The following RAPGEF4 variants were observed in gnomAD, a reference collection of about 807,000 sequenced individuals.
The protein encoded by RAPGEF4 is Rap guanine nucleotide exchange factor 4.
In RAPGEF4, 66 loss-of-function variants were observed where a neutral mutation model predicts 147.9. The ratio of observed to expected loss-of-function variants is 0.45; its 90% confidence interval spans 0.37 to 0.55. The LOEUF is 0.55. Among genes scored for constraint, RAPGEF4 ranks in the 20% least tolerant of loss-of-function variants. RAPGEF4 has a pLI of 0.00. For missense variants in RAPGEF4, 1,071 were observed against 1,257.3 expected (o/e 0.85, Z 2.24); for synonymous variants, 419 against 442.7 (o/e 0.95, Z 0.67).
chr2:172,753,272 A>G (rs1050422276), intron 1 of RAPGEF4, among the ~76,000 whole-genome samples: 1 of 152,144 alleles, frequency 6.6e-6, no homozygotes, highest in Non-Finnish European at 1.5e-5. Flanking sequence ...TAGTGTAGGT[A>G]TTGATGAGAA....
chr2:172,798,351 C>CATTA (rs1686605373), intron 3 of RAPGEF4, among the ~76,000 whole-genome samples: 1 of 152,072 alleles, frequency 6.6e-6, no homozygotes, highest in Non-Finnish European at 1.5e-5. Context: ...TTCACATCTG[C>CATTA]AGTGACTCTT....
At chr2:172,858,453 A>G (rs1056741734) in intron 4 of RAPGEF4, among the ~76,000 whole-genome samples, 8 of 152,214 alleles carry the variant, frequency 5.3e-5, no homozygotes, top group African/African-American at 1.7e-4. Context: ...CAGTGCTCGG[A>G]TACCATACTC....
chr2:172,744,891 A>G (rs1031751515), intron 1 of RAPGEF4, among the ~76,000 whole-genome samples: 4 of 152,114 alleles, frequency 2.6e-5, no homozygotes, highest in Non-Finnish European at 4.4e-5. Context: ...TTCTGTAAAT[A>G]TAGTGAATTT....
intron 8 of RAPGEF4, among the ~76,000 whole-genome samples, chr2:172,964,000 C>T (rs2044516): frequency 0.88 from 133,819 of 152,218 alleles, 59,863 homozygotes; most frequent in East Asian, 1. Flanking sequence ...ACTCATCAGA[C>T]GCTCTGGGAT....
chr2:172,839,705 A>G (rs1691368833), intron 4 of RAPGEF4, among the ~76,000 whole-genome samples: 1 of 152,148 alleles, frequency 6.6e-6, no homozygotes, highest in South Asian at 2.1e-4. Context: ...CCCAGTTCCT[A>G]TTTAAGATGG....
At chr2:172,879,296 A>G (rs1026330076) in intron 4 of RAPGEF4, among the ~76,000 whole-genome samples, 2 of 152,220 alleles carry the variant, frequency 1.3e-5, no homozygotes, top group Non-Finnish European at 2.9e-5. Flanking sequence ...ATGCCCAAGC[A>G]GGAAGCTGCA....
intron 17 of RAPGEF4, among the ~76,000 whole-genome samples, chr2:173,003,892 T>C (rs933123222): frequency 1.3e-5 from 2 of 152,226 alleles, no homozygotes; most frequent in African/African-American, 4.8e-5. Flanking sequence ...CCTATGTTTT[T>C]AACGTGGGAT....
intron 1 of RAPGEF4, among the ~76,000 whole-genome samples, chr2:172,768,547 C>G (rs180939733): frequency 6.6e-6 from 1 of 151,316 alleles, no homozygotes; most frequent in Non-Finnish European, 1.5e-5. Context: ...GTGGATTCAT[C>G]AAGAAATCAC....
intron 6 of RAPGEF4, among the ~76,000 whole-genome samples, chr2:172,940,034 A>G (rs188878669): frequency 2.6e-5 from 4 of 152,214 alleles, no homozygotes; most frequent in Admixed American, 2.0e-4. Context: ...TAGCTTTATT[A>G]TAATTCTCAG....
intron 1 of RAPGEF4, among the ~76,000 whole-genome samples, chr2:172,767,602 T>C (rs1696973193): frequency 1.3e-5 from 2 of 152,212 alleles, no homozygotes; most frequent in Non-Finnish European, 2.9e-5. Flanking sequence ...GATGGAAGCC[T>C]AGGAAATAAT....
rs61245914 is a variant in RAPGEF4, at chr2:173,030,117, C to A, written c.2559-47C>A. 3.8e-3 allele frequency: 5,092 copies of A among 1,323,434 alleles called. 153 individuals are homozygous for A. In the African/African-American group the frequency reaches 0.063, roughly 16 times the overall value. 82.0% of individuals were successfully genotyped at this position (1,323,434 alleles called of 1,614,324 possible). ...AATAGAACTCTAATTTTTTTTATCTCACACAGAAGTAACATTTTACTCAAA... is the reference window on the plus strand; with the variant it reads ...AATAGAACTCTAATTTTTTTTATCTAACACAGAAGTAACATTTTACTCAAA... On this transcript the variant is annotated intron_variant, in intron 25 of 30. Transcript: ENST00000397081.
chr2:172,855,588 T>C (rs886453494), intron 4 of RAPGEF4, among the ~76,000 whole-genome samples: 2 of 152,246 alleles, frequency 1.3e-5, no homozygotes, highest in African/African-American at 4.8e-5. Flanking sequence ...TCTGGAGAGC[T>C]TTCTTCAATG....
chr2:172,906,683 C>A (rs762501215), intron 4 of RAPGEF4, among the ~76,000 whole-genome samples: 2 of 152,184 alleles, frequency 1.3e-5, no homozygotes, highest in Non-Finnish European at 2.9e-5. Flanking sequence ...GGAGGCTCCT[C>A]CTTGGCAGTG....
chr2:172,816,208 G>C (rs993055263), intron 4 of RAPGEF4, among the ~76,000 whole-genome samples: 5 of 151,510 alleles, frequency 3.3e-5, no homozygotes, highest in African/African-American at 9.7e-5. Context: ...TTCAAACCAG[G>C]CTCCAATAAC....
chr2:172,788,687 C>T (rs1338679936), intron 1 of RAPGEF4, among the ~76,000 whole-genome samples: 1 of 151,820 alleles, frequency 6.6e-6, no homozygotes, highest in African/African-American at 2.4e-5. Context: ...GAGTTCAAGA[C>T]CACCCTGGGC....
At chr2:172,832,979 G>C (rs564323503) in intron 4 of RAPGEF4, among the ~76,000 whole-genome samples, 6 of 152,186 alleles carry the variant, frequency 3.9e-5, no homozygotes, top group Admixed American at 1.3e-4. Context: ...CAAGGTGGGC[G>C]GATCGCCTGA....
intron 1 of RAPGEF4, among the ~76,000 whole-genome samples, chr2:172,747,662 G>C (rs983214846): frequency 2.0e-5 from 3 of 152,084 alleles, no homozygotes; most frequent in Admixed American, 2.0e-4. Context: ...ACATGGTCTT[G>C]CTGTGTTGCC....
intron 15 of RAPGEF4, among the ~76,000 whole-genome samples, chr2:172,994,110 G>A (rs565480002): frequency 6.5e-4 from 99 of 152,312 alleles, no homozygotes; most frequent in African/African-American, 2.3e-3. Flanking sequence ...ACTGATGTAT[G>A]AGTCACACGG....
In RAPGEF4 at chr2:172,821,737, TAAAA is replaced by T. The variant is rs35414922; in HGVS notation, c.444+7333_444+7336del. 1.5e-3 allele frequency: 1,264 copies of T among 816,826 alleles called. No individual in the cohort carries two copies. The South Asian group carries it at 0.015, about 10-fold the overall frequency. The allele number at this position is 816,826 out of a possible 1,614,324, so 50.6% of individuals were successfully genotyped here. ...GAAGTTATTAGGAGCTAACTAAAGTTAAAAAAAAAAAAAAAAAAAAAAAAGGAAG... is the reference window on the plus strand; with the variant it reads ...GAAGTTATTAGGAGCTAACTAAAGTTAAAAAAAAAAAAAAAAAAAAGGAAG... On this transcript the variant is annotated intron_variant, in intron 4 of 30. Transcript: ENST00000397081.
Sources: gnomAD v4.1 joint callset for allele counts (sites outside exome capture counted in the v4.1 genomes callset) on GRCh38, gnomAD v4.1.1 for gene constraint, MANE v1.5 for transcripts, NCBI Gene and HGNC (gene_info 2026-07-23, HGNC 2026-07-21) for gene names.